WRAP53: variants seen among roughly 807,000 people sequenced by gnomAD.
WRAP53 encodes telomerase Cajal body protein 1.
Under a neutral mutation model 56.6 loss-of-function variants are expected in WRAP53, and 28 were observed. That is an observed-to-expected ratio of 0.50 (90% CI 0.37 to 0.68). WRAP53 has a LOEUF of 0.68. WRAP53 is among the 30% of genes least tolerant of loss of function. The pLI, the probability that WRAP53 is intolerant of heterozygous loss-of-function variation, is 0.00. For synonymous variants in WRAP53, 283 were observed against 283.4 expected, an observed-to-expected ratio of 1.00 and a Z score of 0.01; for missense variants, 671 against 715.5, an observed-to-expected ratio of 0.94 and a Z score of 0.71.
In WRAP53 at chr17:7,689,500, G is replaced by A; in HGVS notation, c.531-90G>A. On this transcript the variant is annotated intron_variant, in intron 3 of 10. Coordinates refer to ENST00000396463, the MANE Select transcript of WRAP53 (RefSeq NM_001143992.2). ...TCTACTTCCCTCAAGGATTCAGGGG[G>A]GCTTACCTACCCCAGAGGCAGGCTC... 3.6e-6 allele frequency: 5 copies of A among 1,372,594 alleles called. No individual in the cohort carries two copies. The East Asian group carries it at 9.2e-5, about 25-fold the overall frequency. 85.0% of individuals were successfully genotyped at this position (1,372,594 alleles called of 1,614,324 possible).
chr17:7,703,217 A>G (rs1473873428), intron 10 of WRAP53, 26 bp from the exon 11 acceptor site: 2 of 1,613,022 alleles, frequency 1.2e-6, no homozygotes, highest in African/African-American at 2.7e-5. Flanking sequence ...GAAGGCACTG[A>G]TAGACCCTCC....
intron 4 of WRAP53, among the ~76,000 whole-genome samples, chr17:7,694,439 C>T (rs1483969154): frequency 2.0e-5 from 3 of 151,868 alleles, no homozygotes; most frequent in Admixed American, 1.3e-4. Context: ...GATGGGGTTT[C>T]GCCAAGTTGG....
chr17:7,702,586 G>A lies in WRAP53; in HGVS notation c.1164+34G>A, dbSNP rs1478464422. On this transcript the variant is annotated intron_variant, in intron 8 of 10. Coordinates refer to ENST00000396463, the MANE Select transcript of WRAP53 (RefSeq NM_001143992.2). The surrounding 1 kb of genome is among the most constrained non-coding windows in gnomAD (Gnocchi z 5.0). ...CACACCCTGAGAGCCCAAAGCAGCT[G>A]GGCAGCGGGGCAGGAGCAGGGATGT... 2 of 1,599,122 alleles carry A rather than the reference G, an allele frequency of 1.3e-6. No homozygotes were observed. The highest frequency in any genetic ancestry group is 1.1e-5 in the South Asian group (1 of 90,386).
At chr17:7,698,150 A>G (rs770312151) in intron 4 of WRAP53, among the ~76,000 whole-genome samples, 3 of 152,218 alleles carry the variant, frequency 2.0e-5, no homozygotes, top group East Asian at 1.9e-4. Context: ...AGAAATTGAC[A>G]TTATAGTATC....
chr17:7,700,937 A>T, intron 5 of WRAP53, 108 bp downstream of exon 5: 7 of 828,526 alleles, frequency 8.4e-6, no homozygotes, highest in Non-Finnish European at 1.0e-5. Context: ...AAGGCTTGGC[A>T]TGCTTATCAG....
In WRAP53 at chr17:7,703,442, A is replaced by G. The variant is rs563854971; in HGVS notation, c.1603A>G (p.Lys535Glu). The G allele has an allele frequency of 5.6e-6, 9 of 1,612,872 alleles. No individual in the cohort carries two copies. The South Asian group carries it at 9.9e-5, about 18-fold the overall frequency. ...SSIPDDHQGEKGQGGTEGGVG... is the reference protein window; with the variant it reads ...SSIPDDHQGEEGQGGTEGGVG... ...CATCCCTGATGATCACCAGGGCGAG[A>G]AAGGGCAGGGAGGAACGGAGGGAGG... is the stretch of plus-strand genomic sequence containing the variant. The change falls in exon 11 of 11, where the codon AAA (lysine) becomes GAA (glutamate). Residue 535 changes from lysine to glutamate, a missense_variant. Around this residue, in one of 3 missense-constraint regions of WRAP53, gnomAD observed 107 missense variants for 81.3 expected, o/e 1.32. Coordinates refer to ENST00000396463, the MANE Select transcript of WRAP53 (RefSeq NM_001143992.2).
At chr17:7,695,806 G>T (rs1170302963) in intron 4 of WRAP53, among the ~76,000 whole-genome samples, 3 of 152,012 alleles carry the variant, frequency 2.0e-5, no homozygotes, top group Non-Finnish European at 4.4e-5. Context: ...CATCAAGTCT[G>T]CCTAATCTTC....
At position 7,702,351 on chromosome 17, in the gene WRAP53, G is replaced by T. The variant is rs1597422052; in HGVS notation, c.963G>T (p.Lys321Asn). Residue 321 changes from lysine (K) to asparagine (N), a missense_variant, in exon 8 of 11, where the codon AAG (lysine) becomes AAT (asparagine). By Grantham distance (94) the Lys-to-Asn change is moderately conservative (BLOSUM62 0). This residue lies in a region of WRAP53 where 406 missense variants were observed against 418.5 expected (regional missense o/e 0.97). Coordinates refer to ENST00000396463, the MANE Select transcript of WRAP53 (RefSeq NM_001143992.2). The surrounding 1 kb of genome is among the most constrained non-coding windows in gnomAD (Gnocchi z 5.0). ...DCEVRATFAK[K>N]QGQSGIISCI... is the part of the protein sequence containing the mutation. ...TGTTCCTTCCCTCTCTAGCAAAAAA[G>T]CAGGGCCAGAGCGGCATCATCTCCT... is the stretch of plus-strand genomic sequence containing the variant. The T allele has an allele frequency of 1.2e-6, 2 of 1,614,126 alleles. No homozygotes were observed. Among genetic ancestry groups the T allele is most frequent in the Non-Finnish European group, 1.7e-6 (2 of 1,180,026 alleles).
intron 4 of WRAP53, among the ~76,000 whole-genome samples, chr17:7,690,889 G>A (rs2074098364): frequency 6.6e-6 from 1 of 152,002 alleles, no homozygotes; most frequent in Non-Finnish European, 1.5e-5. Flanking sequence ...TCCAGCCTGG[G>A]CGACAGAGTG....
At chr17:7,691,680 G>A (rs1238751829) in intron 4 of WRAP53, among the ~76,000 whole-genome samples, 1 of 151,892 alleles carries the variant, frequency 6.6e-6, no homozygotes, top group South Asian at 2.1e-4. Flanking sequence ...ATGAGCCACC[G>A]CGCCTGGCTT....
chr17:7,691,623 C>A (rs540911911), intron 4 of WRAP53, among the ~76,000 whole-genome samples: 1 of 152,002 alleles, frequency 6.6e-6, no homozygotes, highest in Non-Finnish European at 1.5e-5. Flanking sequence ...GTACTCCTGA[C>A]ATTTGATCCG....
At chr17:7,687,456 A>C (rs1354121719), upstream of WRAP53, 2 of 398,692 alleles carry the variant, frequency 5.0e-6, no homozygotes, top group South Asian at 2.5e-4. Flanking sequence ...CCCAGCAGCT[A>C]CCTGCTCCCT....
chr17:7,701,899 C>T lies in WRAP53; in HGVS notation c.955+110C>T, dbSNP rs566407716. On this transcript the variant is annotated intron_variant, in intron 7 of 10. Coordinates refer to ENST00000396463, the MANE Select transcript of WRAP53 (RefSeq NM_001143992.2). This position sits in a 1 kb window ranked among gnomAD's most constrained non-coding sequence, Gnocchi z 4.2. Reference sequence around the variant, plus strand: ...GTGGGGGTTCACGCCGTCCTCTGTACGGCCCCGGGAGCAGGTGCAGCCCAG... The same window carrying T: ...GTGGGGGTTCACGCCGTCCTCTGTATGGCCCCGGGAGCAGGTGCAGCCCAG... 145 of 1,518,596 alleles carry T rather than the reference C, an allele frequency of 9.5e-5. 1 individual carries two copies. In the African/African-American group the frequency reaches 1.5e-3, roughly 16 times the overall value. The allele number at this position is 1,518,596 out of a possible 1,614,324, so 94.1% of individuals were successfully genotyped here. A position where few individuals can be genotyped will look rare whatever the true frequency, so the allele number is the denominator to read the frequency against.
chr17:7,694,941 A>T (rs1489661482), intron 4 of WRAP53, among the ~76,000 whole-genome samples: 3 of 149,128 alleles, frequency 2.0e-5, no homozygotes, highest in African/African-American at 7.5e-5. Context: ...CTACAAGCTT[A>T]GCATTTGAAA....
chr17:7,687,139 C>T (rs1021105293), upstream of WRAP53: 2 of 396,226 alleles, frequency 5.0e-6, no homozygotes, highest in African/African-American at 2.1e-5. Flanking sequence ...ACTCCTCTGC[C>T]TAGGCGTTCA....
intron 4 of WRAP53, among the ~76,000 whole-genome samples, chr17:7,695,548 A>G (rs9914473): frequency 0.16 from 23,827 of 151,808 alleles, 4,397 homozygotes; most frequent in African/African-American, 0.45. Flanking sequence ...GGGACGGGGA[A>G]TGTCCTCATT....
chr17:7,688,349 G>A (rs560833428), upstream of WRAP53: 102 of 475,380 alleles, frequency 2.1e-4, 1 homozygote, highest in South Asian at 2.2e-3. Flanking sequence ...AACCTTTCAC[G>A]TCCCGGCTCC....
intron 4 of WRAP53, among the ~76,000 whole-genome samples, chr17:7,698,903 T>C (rs1352625092): frequency 6.6e-6 from 1 of 150,892 alleles, no homozygotes; most frequent in Non-Finnish European, 1.5e-5. Flanking sequence ...AATAAATAAA[T>C]AAATAAGCCA....
chr17:7,701,926 C>T lies in WRAP53; in HGVS notation c.955+137C>T, dbSNP rs768865976. The T allele has an allele frequency of 7.0e-6, 10 of 1,428,514 alleles. No homozygotes were observed. Among genetic ancestry groups the T allele is most frequent in the Admixed American group, 5.9e-5 (3 of 50,896 alleles). 88.5% of individuals were successfully genotyped at this position (1,428,514 alleles called of 1,614,324 possible). A position where few individuals can be genotyped will look rare whatever the true frequency, so the allele number is the denominator to read the frequency against. ...GCCCCGGGAGCAGGTGCAGCCCAGTCGGCAGAGGAGCAAACAGGCTCAGAG... is the reference window on the plus strand; with the variant it reads ...GCCCCGGGAGCAGGTGCAGCCCAGTTGGCAGAGGAGCAAACAGGCTCAGAG... On this transcript the variant is annotated intron_variant, in intron 7 of 10. Transcript: ENST00000396463. The surrounding 1 kb of genome is among the most constrained non-coding windows in gnomAD (Gnocchi z 4.2).
Sources: gnomAD v4.1 joint callset for allele counts (sites outside exome capture counted in the v4.1 genomes callset) on GRCh38, gnomAD v4.1.1 for gene constraint, gnomAD v4.1.1 regional missense constraint, Gnocchi (gnomAD v3.1) non-coding constraint, MANE v1.5 for transcripts, NCBI Gene and HGNC (gene_info 2026-07-23, HGNC 2026-07-21) for gene names.